The following CGNL1 variants were observed in gnomAD, a reference collection of about 807,000 sequenced individuals.
The protein encoded by CGNL1 is cingulin like 1.
A neutral mutation model predicts 141.2 loss-of-function variants in CGNL1; 132 were observed. The ratio of observed to expected loss-of-function variants is 0.93; its 90% CI spans 0.81 to 1.08. CGNL1 has a LOEUF of 1.08. CGNL1 is among the 50% of genes least tolerant of loss of function. The pLI is 0.00. For synonymous variants in CGNL1, 690 were observed against 622.1 expected, an observed-to-expected ratio of 1.11 and a Z score of -1.63; for missense variants, 1,870 against 1,588.6, an observed-to-expected ratio of 1.18 and a Z score of -3.01.
chr15:57,507,365 T>A (rs1236216202), intron 8 of CGNL1, among the ~76,000 whole-genome samples: 2 of 152,228 alleles, frequency 1.3e-5, no homozygotes, highest in African/African-American at 4.8e-5. Flanking sequence ...TCGTAACTTT[T>A]GTCTTGGACC....
Position 57,516,937 on chromosome 15 carries a change from A to G in CGNL1, c.2561A>G (p.Asp854Gly). Reference protein sequence around the residue: ...RVAQLQRQIEDLKGDEAKAKE... With the variant: ...RVAQLQRQIEGLKGDEAKAKE... ...GCTCAGCTTCAAAGGCAGATCGAGG[A>G]CCTGAAAGGCGATGAAGCCAAGGCG... Residue 854 changes from aspartate (D) to glycine (G), a missense_variant, in exon 9 of 19, where the codon GAC becomes GGC. Asp to Gly is a moderately conservative substitution (Grantham distance 94). Coordinates refer to ENST00000281282, the MANE Select transcript of CGNL1 (RefSeq NM_032866.5). 2 of 1,613,604 alleles carry G rather than the reference A, an allele frequency of 1.2e-6. No homozygotes were observed. The highest frequency in any genetic ancestry group is 1.7e-6 in the Non-Finnish European group (2 of 1,180,024).
chr15:57,550,492 C>T lies in CGNL1; in HGVS notation c.*3002C>T, dbSNP rs1398814518. On this transcript the variant is annotated 3_prime_UTR_variant, in exon 19 of 19. Coordinates refer to ENST00000281282, the MANE Select transcript of CGNL1 (RefSeq NM_032866.5). ...GTAAAAACACATACATGGCCAAATG[C>T]AATACTGAAGAGACAATCATCCTGT... is the stretch of plus-strand genomic sequence containing the variant. 4 of 152,572 alleles carry T rather than the reference C, an allele frequency of 2.6e-5. No individual in the cohort carries two copies. The highest frequency in any genetic ancestry group is 9.7e-5 in the African/African-American group (4 of 41,432). The allele number at this position is 152,572 out of a possible 1,614,324, so 9.5% of individuals were successfully genotyped here. A position where few individuals can be genotyped will look rare whatever the true frequency, so the allele number is the denominator to read the frequency against.
At chr15:57,541,935 C>G (rs1405159392) in intron 14 of CGNL1, among the ~76,000 whole-genome samples, 4 of 152,236 alleles carry the variant, frequency 2.6e-5, no homozygotes, top group Non-Finnish European at 2.9e-5. Context: ...CAGCTTCCCC[C>G]TGTGGTGTTG....
At chr15:57,508,364 A>G (rs2152396494) in intron 8 of CGNL1, among the ~76,000 whole-genome samples, 2 of 152,340 alleles carry the variant, frequency 1.3e-5, no homozygotes, top group Admixed American at 1.3e-4. Flanking sequence ...AATATTTTGC[A>G]ATGGCTCAAC....
At chr15:57,491,910 A>G (rs1350968417) in intron 8 of CGNL1, among the ~76,000 whole-genome samples, 2 of 152,152 alleles carry the variant, frequency 1.3e-5, no homozygotes, top group Non-Finnish European at 2.9e-5. Flanking sequence ...GTAACTCCTG[A>G]AACTGTTACG....
chr15:57,450,268 T>C (rs190569337), intron 4 of CGNL1, among the ~76,000 whole-genome samples: 1 of 152,254 alleles, frequency 6.6e-6, no homozygotes, highest in Non-Finnish European at 1.5e-5. Flanking sequence ...TATATTGGTA[T>C]CTCGTTGGTT....
chr15:57,429,271 G>C (rs1432827242), intron 1 of CGNL1, among the ~76,000 whole-genome samples: 1 of 152,100 alleles, frequency 6.6e-6, no homozygotes, highest in Admixed American at 6.5e-5. Flanking sequence ...GACTTGGGGG[G>C]TGGGTAATTT....
At position 57,516,794 on chromosome 15, in the gene CGNL1, G is replaced by A. The variant is rs147433148; in HGVS notation, c.2418G>A (p.Leu806=). The part of the protein sequence containing the change: ...VEEATKNVEV[L]ASRSNTSEQD... The stretch of plus-strand genomic sequence containing the variant: ...GTTTTTAACAGAATGTCGAGGTCTT[G>A]GCGAGCAGGAGCAACACTTCAGAGC... The change falls in exon 9 of 19, where the codon TTG becomes TTA. Residue 806 remains leucine (L), a synonymous_variant. Transcript: ENST00000281282. 4 of 1,614,006 alleles carry A rather than the reference G, an allele frequency of 2.5e-6. No individual in the cohort carries two copies. The African/African-American group carries it at 4.0e-5, about 16-fold the overall frequency.
chr15:57,464,073 C>CTT (rs34545500), intron 8 of CGNL1, among the ~76,000 whole-genome samples: 61 of 149,064 alleles, frequency 4.1e-4, no homozygotes, highest in Middle Eastern at 3.4e-3. Flanking sequence ...CACTTTTGTC[C>CTT]TTTTTTTTTT....
intron 8 of CGNL1, among the ~76,000 whole-genome samples, chr15:57,505,249 C>T (rs952236788): frequency 2.6e-5 from 4 of 152,136 alleles, no homozygotes; most frequent in Admixed American, 6.5e-5. Flanking sequence ...GTGTATATAG[C>T]GACTCATCCT....
intron 1 of CGNL1, among the ~76,000 whole-genome samples, chr15:57,392,498 C>T (rs1041864772): frequency 2.4e-4 from 37 of 152,284 alleles, no homozygotes; most frequent in African/African-American, 8.7e-4. Flanking sequence ...GGGGCTGAAA[C>T]CCAACCAAGC....
At chr15:57,459,206 G>A (rs1226953310) in intron 7 of CGNL1, among the ~76,000 whole-genome samples, 2 of 152,148 alleles carry the variant, frequency 1.3e-5, no homozygotes, top group African/African-American at 4.8e-5. Flanking sequence ...TAACTGATGA[G>A]TTCAGAATTC....
intron 1 of CGNL1, among the ~76,000 whole-genome samples, chr15:57,382,928 G>T (rs1156722385): frequency 6.6e-6 from 1 of 152,204 alleles, no homozygotes; most frequent in Non-Finnish European, 1.5e-5. Flanking sequence ...AGTTTTCAAA[G>T]TCATGAAGAG....
At position 57,453,826 on chromosome 15, in the gene CGNL1, G is replaced by A; in HGVS notation, c.2190+8G>A. 1.9e-6 allele frequency: 3 copies of A among 1,612,856 alleles called. No individual in the cohort carries two copies. The highest frequency in any genetic ancestry group is 1.1e-5 in the South Asian group (1 of 91,020). The stretch of plus-strand genomic sequence containing the variant: ...AAGGGAGCTCTGATTGAGGTAAGCA[G>A]GGCTGTGGGGTCAGGTGATAAGACA... On this transcript the variant is annotated splice_region_variant and intron_variant, in intron 7 of 18. Coordinates refer to ENST00000281282, the MANE Select transcript of CGNL1 (RefSeq NM_032866.5).
intron 8 of CGNL1, among the ~76,000 whole-genome samples, chr15:57,470,730 C>T (rs1167439039): frequency 6.6e-6 from 1 of 152,098 alleles, no homozygotes; most frequent in Non-Finnish European, 1.5e-5. Flanking sequence ...TGGTCTCTAG[C>T]TTTGAGGATC....
At chr15:57,384,965 C>T (rs1368042267) in intron 1 of CGNL1, among the ~76,000 whole-genome samples, 23 of 152,150 alleles carry the variant, frequency 1.5e-4, no homozygotes, top group Non-Finnish European at 1.5e-5. Context: ...TAAAAGCATG[C>T]TGTCTTGTAT....
intron 10 of CGNL1, 60 bp from the exon 11 acceptor site, chr15:57,523,429 C>T: frequency 6.5e-7 from 1 of 1,544,976 alleles, no homozygotes; most frequent in Non-Finnish European, 8.9e-7. Context: ...CCTGTGCCAC[C>T]CGTTCCTGTG....
intron 8 of CGNL1, among the ~76,000 whole-genome samples, chr15:57,487,076 AT>A (rs1201290769): frequency 6.6e-6 from 1 of 152,204 alleles, no homozygotes; most frequent in Non-Finnish European, 1.5e-5. Flanking sequence ...CAAACTTAAA[AT>A]ACCTTTATTA....
rs2140250565 is a variant in CGNL1, at chr15:57,544,901, A to T, written c.3500+304A>T. The stretch of plus-strand genomic sequence containing the variant: ...CTGTCCCTTTTCCCGTTCTCTAAAT[A>T]GGACAGGCTGCCTTGGAAGCTACAG... On this transcript the variant is annotated intron_variant, in intron 16 of 18. Coordinates refer to ENST00000281282, the MANE Select transcript of CGNL1 (RefSeq NM_032866.5). 1.3e-5 allele frequency among the ~76,000 whole-genome samples: 2 copies of T among 152,302 alleles called. 1 individual carries two copies. The highest frequency in any genetic ancestry group is 4.1e-4 in the South Asian group (2 of 4,826).
Sources: allele counts gnomAD v4.1 joint callset (sites outside exome capture counted in the v4.1 genomes callset), GRCh38; gene constraint gnomAD v4.1.1; transcripts MANE v1.5; gene names NCBI Gene and HGNC (gene_info 2026-07-23, HGNC 2026-07-21).